The following DCUN1D4 variants were observed in gnomAD, a reference collection of about 807,000 sequenced individuals.
The protein encoded by DCUN1D4 is defective in cullin neddylation 1 domain containing 4, also known as DCN1-like protein 4.
A neutral mutation model predicts 47.9 loss-of-function variants in DCUN1D4; 22 were observed. The observed-to-expected ratio is 0.46, with a 90% CI of 0.33 to 0.66. The LOEUF (loss-of-function observed/expected upper bound fraction) is 0.66. Among genes scored for constraint, DCUN1D4 ranks in the 30% least tolerant of loss-of-function variants. The pLI, the probability that DCUN1D4 is intolerant of heterozygous loss-of-function variation, is 0.02. For missense variants in DCUN1D4, 301 were observed against 340.8 expected, an observed-to-expected ratio of 0.88 and a Z score of 0.92; for synonymous variants, 121 against 112.2, an observed-to-expected ratio of 1.08 and a Z score of -0.50.
At chr4:51,903,707 T>TTAATCATTTTTATTACTATG (rs1161457278) in intron 8 of DCUN1D4, among the ~76,000 whole-genome samples, 13 of 152,198 alleles carry the variant, frequency 8.5e-5, no homozygotes, top group Non-Finnish European at 1.9e-4. Context: ...TGTCTCATTT[T>TTAATCATTTTTATTACTATG]TAATCATTTT....
chr4:51,873,802 A>G (rs1577932143), intron 3 of DCUN1D4, among the ~76,000 whole-genome samples: 1 of 152,122 alleles, frequency 6.6e-6, no homozygotes. Context: ...AAAACCCCAA[A>G]TCCTGTTTTT....
intron 1 of DCUN1D4, among the ~76,000 whole-genome samples, chr4:51,862,891 A>C (rs190573448): frequency 7.9e-5 from 12 of 152,226 alleles, no homozygotes; most frequent in Admixed American, 4.6e-4. Flanking sequence ...GGTGCACACT[A>C]GTAGTCCCAG....
chr4:51,865,737 C>T (rs1277064076), intron 3 of DCUN1D4, among the ~76,000 whole-genome samples: 2 of 152,170 alleles, frequency 1.3e-5, no homozygotes, highest in Non-Finnish European at 2.9e-5. Context: ...TCCCCACCTT[C>T]TCTAAATTGG....
intron 3 of DCUN1D4, among the ~76,000 whole-genome samples, chr4:51,872,318 T>C (rs987539161): frequency 6.6e-6 from 1 of 152,196 alleles, no homozygotes; most frequent in Non-Finnish European, 1.5e-5. Flanking sequence ...TTGTGAATGT[T>C]GGCTATTGAC....
chr4:51,878,819 G>A (rs941011552), intron 5 of DCUN1D4, among the ~76,000 whole-genome samples: 5 of 152,172 alleles, frequency 3.3e-5, no homozygotes, highest in African/African-American at 1.2e-4. Context: ...ATAACTTGTT[G>A]TAACTTGTTT....
chr4:51,882,884 C>CT (rs1198606366), intron 5 of DCUN1D4, among the ~76,000 whole-genome samples: 1 of 152,042 alleles, frequency 6.6e-6, no homozygotes, highest in African/African-American at 2.4e-5. Flanking sequence ...CTTTCCCCCC[C>CT]GGCTCTATGC....
chr4:51,877,570 A>G (rs1201580454), intron 4 of DCUN1D4, 193 bp from the exon 5 acceptor site: 4 of 452,234 alleles, frequency 8.8e-6, no homozygotes, highest in Non-Finnish European at 1.6e-5. Context: ...TACCAGTTCT[A>G]TATTAGGAGT....
At chr4:51,867,843 C>T (rs1202118597) in intron 3 of DCUN1D4, among the ~76,000 whole-genome samples, 7 of 152,226 alleles carry the variant, frequency 4.6e-5, no homozygotes, top group African/African-American at 1.7e-4. Context: ...CCCCTTTCTG[C>T]GCAGAAGCCT....
At chr4:51,835,451 C>T in the DCUN1D4 span, among the ~76,000 whole-genome samples, 11 of 152,218 alleles carry the variant, frequency 7.2e-5, no homozygotes, top group East Asian at 2.1e-3. Context: ...AATCTGTTAT[C>T]TGTGGATTTG....
intron 6 of DCUN1D4, among the ~76,000 whole-genome samples, chr4:51,889,957 T>A (rs77261794): frequency 0.039 from 5,959 of 152,304 alleles, 405 homozygotes; most frequent in African/African-American, 0.14. Context: ...AAAAACCTAA[T>A]GACTTTCAAA....
intron 5 of DCUN1D4, among the ~76,000 whole-genome samples, chr4:51,879,569 T>C (rs1333706676): frequency 1.3e-5 from 2 of 152,226 alleles, no homozygotes; most frequent in African/African-American, 2.4e-5. Flanking sequence ...ATTGTGCCAC[T>C]GCACTCCAGC....
chr4:51,892,890 G>C (rs894961257), intron 7 of DCUN1D4, among the ~76,000 whole-genome samples: 1 of 152,178 alleles, frequency 6.6e-6, no homozygotes, highest in African/African-American at 2.4e-5. Context: ...ATTTTTACTG[G>C]ATTAAAATTT....
intron 1 of DCUN1D4, chr4:51,848,145 T>G (rs765960285): frequency 2.1e-5 from 26 of 1,248,698 alleles, no homozygotes; most frequent in Non-Finnish European, 2.6e-5. Context: ...ACTCATTCTT[T>G]GCATTTTTTA....
chr4:51,857,259 G>A (rs761762613), intron 1 of DCUN1D4, among the ~76,000 whole-genome samples: 55 of 151,962 alleles, frequency 3.6e-4, no homozygotes, highest in Non-Finnish European at 6.8e-4. Flanking sequence ...TCTATTTTCT[G>A]CAACTCCAGT....
intron 1 of DCUN1D4, among the ~76,000 whole-genome samples, chr4:51,854,821 T>C (rs538591976): frequency 6.0e-4 from 92 of 152,358 alleles, no homozygotes; most frequent in Non-Finnish European, 8.4e-4. Context: ...AAGTGTCCTT[T>C]ATCTGAAAAT....
At chr4:51,883,407 G>A (rs1412972754) in intron 5 of DCUN1D4, among the ~76,000 whole-genome samples, 1 of 152,156 alleles carries the variant, frequency 6.6e-6, no homozygotes, top group Non-Finnish European at 1.5e-5. Context: ...ATGAATTGAT[G>A]TGTAGTGTGT....
chr4:51,860,409 A>C (rs905664176), intron 1 of DCUN1D4: 1 of 317,812 alleles, frequency 3.1e-6, no homozygotes, highest in African/African-American at 2.2e-5. Context: ...TGTTGTGATT[A>C]TCTGCAGTCA....
the DCUN1D4 span, among the ~76,000 whole-genome samples, chr4:51,836,929 G>A: frequency 6.6e-6 from 1 of 152,188 alleles, no homozygotes; most frequent in African/African-American, 2.4e-5. Flanking sequence ...CATGGTAGCA[G>A]GCTAGAGAAG....
chr4:51,862,144 A>G (rs1218364968), intron 1 of DCUN1D4, among the ~76,000 whole-genome samples: 1 of 152,240 alleles, frequency 6.6e-6, no homozygotes, highest in Admixed American at 6.5e-5. Context: ...CTCTCAGCAC[A>G]AAATGCTGGT....
Sources: gnomAD v4.1 joint callset for allele counts (sites outside exome capture counted in the v4.1 genomes callset) on GRCh38, gnomAD v4.1.1 for gene constraint, MANE v1.5 for transcripts, NCBI Gene and HGNC (gene_info 2026-07-23, HGNC 2026-07-21) for gene names.